The following EXD3 variants were observed in gnomAD, a reference collection of about 807,000 sequenced individuals.
EXD3 encodes the protein exonuclease mut-7 homolog.
A neutral mutation model predicts 98.0 loss-of-function variants in EXD3; 92 were observed. That is an observed-to-expected ratio of 0.94 (90% CI 0.79 to 1.12). EXD3 has a LOEUF of 1.12. EXD3 is among the 50% of genes most tolerant of loss of function. The probability of loss-of-function intolerance (pLI) is 0.00; values close to 1 mark genes in which losing one functional copy is unlikely to be tolerated. For missense variants in EXD3, 1,222 were observed against 1,191.6 expected (o/e 1.03, Z -0.38); for synonymous variants, 569 against 526.0 (o/e 1.08, Z -1.12).
intron 19 of EXD3, among the ~76,000 whole-genome samples, chr9:137,314,291 G>C (rs1359807356): frequency 1.3e-5 from 2 of 152,190 alleles, no homozygotes; most frequent in Non-Finnish European, 2.9e-5. Flanking sequence ...ACTGTCCCCT[G>C]CTGTGGCACT....
In EXD3 at chr9:137,349,217, G is replaced by A. The variant is rs375080243; in HGVS notation, c.1723C>T (p.Leu575=). 1.2e-4 allele frequency: 190 copies of A among 1,579,712 alleles called. No homozygotes were observed. Among genetic ancestry groups the A allele is most frequent in the Non-Finnish European group, 1.6e-4 (182 of 1,168,898 alleles). ...CGGCTCCCAGCCAGGTCCTCCGACA[G>A]GTGGAAGCGGGCGGGCTCTCTGCAC... ...ALCREPARFH[L]SEDLAGSRRP... Residue 575 remains leucine (L), a synonymous_variant, in exon 16 of 22, where the codon CTG becomes TTG. Transcript: ENST00000340951. The surrounding 1 kb of genome is among the most constrained non-coding windows in gnomAD (Gnocchi z 7.4).
chr9:137,392,702 T>TGGGGGGGCTGTGTCTGTTCC (rs1836986735), intron 2 of EXD3: 1 of 306,246 alleles, frequency 3.3e-6, no homozygotes, highest in Non-Finnish European at 6.1e-6. Context: ...GTGTCTGTTC[T>TGGGGGGGCTGTGTCTGTTCC]GGGGGGGCTG....
intron 3 of EXD3, among the ~76,000 whole-genome samples, chr9:137,378,162 C>T (rs899503332): frequency 4.6e-5 from 7 of 152,094 alleles, no homozygotes; most frequent in Non-Finnish European, 1.0e-4. Context: ...CATGACCCAG[C>T]AATTCTATTC....
At position 137,405,966 on chromosome 9, in the gene EXD3, T is replaced by C. The variant is rs565333407; in HGVS notation, c.-47-10562A>G. Among the ~76,000 whole-genome samples, 147 of 152,252 alleles carry C rather than the reference T, an allele frequency of 9.7e-4. No homozygotes were observed. Among genetic ancestry groups the C allele is most frequent in the African/African-American group, 3.2e-3 (135 of 41,560 alleles). Reference sequence around the variant, plus strand: ...TGGGCACGGTGGCTCACGCCTGTAATCCCAGCCTTGTGGGAGGCCGAGGCG... The same window carrying C: ...TGGGCACGGTGGCTCACGCCTGTAACCCCAGCCTTGTGGGAGGCCGAGGCG... On this transcript the variant is annotated intron_variant, in intron 1 of 21. Coordinates refer to ENST00000340951, the MANE Select transcript of EXD3 (RefSeq NM_017820.5). The surrounding 1 kb of genome is among the most constrained non-coding windows in gnomAD (Gnocchi z 4.1).
intron 5 of EXD3, among the ~76,000 whole-genome samples, chr9:137,368,485 C>T (rs1050517450): frequency 1.3e-5 from 2 of 152,206 alleles, no homozygotes; most frequent in Non-Finnish European, 2.9e-5. Context: ...GAGGCGGAGA[C>T]GGGCACCCCG....
At chr9:137,411,297 C>T (rs1304800413) in intron 1 of EXD3, among the ~76,000 whole-genome samples, 4 of 152,182 alleles carry the variant, frequency 2.6e-5, no homozygotes, top group African/African-American at 9.6e-5. Context: ...GAGAAGGAAA[C>T]CAGCGAAGGC....
Position 137,372,912 on chromosome 9 carries a change from A to T in EXD3, c.455T>A (p.Phe152Tyr). ...GCCACGTGGGCCACTCACTTCTCTGAACCTGCCCTCGTGGTGGAGGCGGTG... is the reference window on the plus strand; with the variant it reads ...GCCACGTGGGCCACTCACTTCTCTGTACCTGCCCTCGTGGTGGAGGCGGTG... Reference protein sequence around the residue: ...HVHRLHHEGRFREAATLGATL... With the variant: ...HVHRLHHEGRYREAATLGATL... Residue 152 changes from phenylalanine (F) to tyrosine (Y), a missense_variant, in exon 5 of 22, where the codon TTC becomes TAC. Transcript: ENST00000340951. 1 of 1,598,844 alleles carries T rather than the reference A, an allele frequency of 6.3e-7. No individual in the cohort carries two copies.
intron 1 of EXD3, among the ~76,000 whole-genome samples, chr9:137,414,614 G>A (rs1469198266): frequency 2.0e-5 from 3 of 152,158 alleles, no homozygotes; most frequent in Admixed American, 6.5e-5. Context: ...CCTCACCAAC[G>A]CCTGTTGCGG....
At position 137,385,197 on chromosome 9, in the gene EXD3, C is replaced by T. The variant is rs1347598778; in HGVS notation, c.56-1820G>A. On this transcript the variant is annotated intron_variant, in intron 2 of 21. Transcript: ENST00000340951. The surrounding 1 kb of genome is among the most constrained non-coding windows in gnomAD (Gnocchi z 4.4). ...TGGCACAGGCCAGTGTTCCCGTCTG[C>T]GCTCAGAACCGTCCCACCATCGTGC... 2.0e-5 allele frequency among the ~76,000 whole-genome samples: 3 copies of T among 152,212 alleles called. No homozygotes were observed. The highest frequency in any genetic ancestry group is 2.9e-5 in the Non-Finnish European group (2 of 68,044).
intron 17 of EXD3, among the ~76,000 whole-genome samples, chr9:137,336,476 C>A (rs1162573926): frequency 6.6e-6 from 1 of 152,048 alleles, no homozygotes; most frequent in Admixed American, 6.6e-5. Flanking sequence ...GCCTGGCCAA[C>A]ATGGCGAAAC....
intron 1 of EXD3, among the ~76,000 whole-genome samples, chr9:137,401,152 C>CTTTT (rs34114761): frequency 4.6e-5 from 5 of 108,324 alleles, no homozygotes; most frequent in Non-Finnish European, 3.6e-5. Flanking sequence ...CACCCATTTC[C>CTTTT]TTTTTTTTTT....
intron 17 of EXD3, among the ~76,000 whole-genome samples, chr9:137,327,635 C>A (rs1304857844): frequency 4.0e-5 from 6 of 151,300 alleles, no homozygotes; most frequent in Non-Finnish European, 8.8e-5. Flanking sequence ...AACAAATATA[C>A]ACCCATATGA....
chr9:137,352,534 T>A (rs1054314565), intron 11 of EXD3, 86 bp downstream of exon 11: 18 of 1,295,592 alleles, frequency 1.4e-5, no homozygotes, highest in Non-Finnish European at 1.9e-5. Flanking sequence ...GCCACTGGCG[T>A]GAAGACTGGT....
chr9:137,318,423 C>T (rs988070443), intron 19 of EXD3, among the ~76,000 whole-genome samples: 1 of 152,178 alleles, frequency 6.6e-6, no homozygotes, highest in African/African-American at 2.4e-5. Context: ...GGGGCTGACG[C>T]CACTGTTTCA....
intron 1 of EXD3, among the ~76,000 whole-genome samples, chr9:137,416,199 T>G (rs1838220983): frequency 6.6e-6 from 1 of 152,160 alleles, no homozygotes; most frequent in South Asian, 2.1e-4. Context: ...CTGCAGTGCC[T>G]GAGGGCCAAG....
intron 1 of EXD3, among the ~76,000 whole-genome samples, chr9:137,399,124 C>T (rs997743433): frequency 1.1e-4 from 16 of 152,252 alleles, no homozygotes; most frequent in Admixed American, 3.3e-4. Context: ...CCTGGCTGTG[C>T]GTGGCTGTGG....
intron 3 of EXD3, among the ~76,000 whole-genome samples, chr9:137,376,706 G>C (rs1232766762): frequency 6.6e-6 from 1 of 152,112 alleles, no homozygotes; most frequent in African/African-American, 2.4e-5. Flanking sequence ...AAGGTGGGCG[G>C]ATCAACTGAG....
rs1181126700 is a variant in EXD3, at chr9:137,352,319, C to A, written c.1038-118G>T. On this transcript the variant is annotated intron_variant, in intron 11 of 21. Transcript: ENST00000340951. ...GTGGGGGCATCTCAGGTCCTGGCTC[C>A]TCCTCCCACACCGGCTCAGTCCAGC... The A allele has an allele frequency of 2.9e-6, 4 of 1,402,654 alleles. No homozygotes were observed. The East Asian group carries it at 9.2e-5, about 32-fold the overall frequency. 86.9% of individuals were successfully genotyped at this position (1,402,654 alleles called of 1,614,324 possible). A position where few individuals can be genotyped will look rare whatever the true frequency, so the allele number is the denominator to read the frequency against.
At chr9:137,418,575 C>T (rs1838350948) in intron 1 of EXD3, among the ~76,000 whole-genome samples, 1 of 152,102 alleles carries the variant, frequency 6.6e-6, no homozygotes, top group Non-Finnish European at 1.5e-5. Flanking sequence ...CAAAATTACT[C>T]GCTGAGTTTT....
Sources: gnomAD v4.1 joint callset for allele counts (sites outside exome capture counted in the v4.1 genomes callset) on GRCh38, gnomAD v4.1.1 for gene constraint, Gnocchi (gnomAD v3.1) non-coding constraint, MANE v1.5 for transcripts, NCBI Gene and HGNC (gene_info 2026-07-23, HGNC 2026-07-21) for gene names.